Variants in MAP6 observed in about 807,000 individuals in gnomAD.
The protein encoded by MAP6 is microtubule associated protein 6.
Under a neutral mutation model 42.4 loss-of-function variants are expected in MAP6, and 26 were observed. That is an observed-to-expected ratio of 0.61 (90% CI 0.45 to 0.85). The LOEUF (loss-of-function observed/expected upper bound fraction) is 0.85, where lower values mean the gene tolerates loss of function less well. Ranked by LOEUF, MAP6 falls within the 40% of genes least tolerant of loss-of-function variation. MAP6 has a pLI of 0.00. For synonymous variants in MAP6, 418 were observed against 443.8 expected, an observed-to-expected ratio of 0.94 and a Z score of 0.73; for missense variants, 966 against 1,099.0, an observed-to-expected ratio of 0.88 and a Z score of 1.71.
At chr11:75,600,226 C>T (rs1359779670) in intron 3 of MAP6, among the ~76,000 whole-genome samples, 2 of 152,134 alleles carry the variant, frequency 1.3e-5, no homozygotes, top group African/African-American at 2.4e-5. Flanking sequence ...CATTCTGCTC[C>T]TCTGAGGGGG....
At chr11:75,605,429 G>A (rs1942742710) in intron 3 of MAP6, 1 of 1,006,822 alleles carries the variant, frequency 9.9e-7, no homozygotes, top group Non-Finnish European at 1.2e-6. Context: ...ATCGACCAGT[G>A]ACACAGATCT....
chr11:75,621,693 A>G (rs1171219522), intron 1 of MAP6, among the ~76,000 whole-genome samples: 2 of 48 alleles, frequency 0.042, no homozygotes, highest in African/African-American at 0.11. Flanking sequence ...CAGATTAGAA[A>G]AGAAGACACA....
rs1312628845 is a variant in MAP6, at chr11:75,667,561, G to GCCTGGA, written c.803_808dup (p.Val268_Gln269dup). On this transcript the variant is annotated inframe_insertion, in exon 1 of 4. Transcript: ENST00000304771. This position sits in a 1 kb window ranked among gnomAD's most constrained non-coding sequence, Gnocchi z 5.6. ...CCCCCTGCCAGCCTCGGGGCCGGTG[G>GCCTGGA]CCTGGACCTGGGCCTGGGCCGCGGG... is the stretch of plus-strand genomic sequence containing the variant. The GCCTGGA allele has an allele frequency of 2.0e-6, 3 of 1,476,258 alleles. No homozygotes were observed. The highest frequency in any genetic ancestry group is 1.3e-5 in the South Asian group (1 of 77,592). The allele number at this position is 1,476,258 out of a possible 1,614,324, so 91.4% of individuals were successfully genotyped here.
chr11:75,628,755 G>C (rs1391166071), intron 1 of MAP6, among the ~76,000 whole-genome samples: 1 of 152,124 alleles, frequency 6.6e-6, no homozygotes, highest in African/African-American at 2.4e-5. Flanking sequence ...AAAGGGGAGG[G>C]GAAGAACTTG....
At chr11:75,590,979 A>G (rs1345862255) in intron 3 of MAP6, among the ~76,000 whole-genome samples, 1 of 152,154 alleles carries the variant, frequency 6.6e-6, no homozygotes, top group Admixed American at 6.5e-5. Context: ...GGAAAAAAAA[A>G]AAGAAAAAAG....
chr11:75,649,530 G>T (rs1943614307), intron 1 of MAP6, among the ~76,000 whole-genome samples: 1 of 151,946 alleles, frequency 6.6e-6, no homozygotes, highest in Admixed American at 6.6e-5. Flanking sequence ...AAGAAAATAT[G>T]ATTTATTTAT....
chr11:75,622,434 G>A (rs1436660463), intron 1 of MAP6, among the ~76,000 whole-genome samples: 2 of 151,170 alleles, frequency 1.3e-5, no homozygotes, highest in Non-Finnish European at 2.9e-5. Flanking sequence ...AAAAAGAAGT[G>A]CAATGGCTGT....
chr11:75,604,454 G>T, intron 3 of MAP6: 4 of 985,434 alleles, frequency 4.1e-6, no homozygotes, highest in Non-Finnish European at 4.8e-6. Context: ...GCTTGACACC[G>T]GACGGCAGCC....
intron 1 of MAP6, among the ~76,000 whole-genome samples, chr11:75,623,281 CTG>C (rs1245600863): frequency 6.6e-6 from 1 of 152,182 alleles, no homozygotes; most frequent in Non-Finnish European, 1.5e-5. Flanking sequence ...AAAAGGCAAA[CTG>C]TAGAAACAGA....
chr11:75,596,950 T>C (rs1322833333), intron 3 of MAP6, among the ~76,000 whole-genome samples: 2 of 152,222 alleles, frequency 1.3e-5, no homozygotes, highest in Non-Finnish European at 2.9e-5. Context: ...ATCCTACAGA[T>C]AGTCCCAAGT....
At chr11:75,607,601 G>C in intron 2 of MAP6, 1 of 985,416 alleles carries the variant, frequency 1.0e-6, no homozygotes, top group Non-Finnish European at 1.2e-6. Flanking sequence ...AGAAGTCATA[G>C]TGGATGGTGT....
intron 1 of MAP6, among the ~76,000 whole-genome samples, chr11:75,656,140 C>A (rs1327035911): frequency 6.6e-6 from 1 of 152,154 alleles, no homozygotes; most frequent in Non-Finnish European, 1.5e-5. Flanking sequence ...AGGAGGCTTG[C>A]AAAAATGCAC....
At chr11:75,658,402 C>A (rs542329978) in intron 1 of MAP6, among the ~76,000 whole-genome samples, 13 of 105,930 alleles carry the variant, frequency 1.2e-4, no homozygotes, top group Non-Finnish European at 2.5e-4. Flanking sequence ...CTCCACCCCC[C>A]CCGCCCCAGA....
At chr11:75,652,836 GAAA>G (rs560714756) in intron 1 of MAP6, among the ~76,000 whole-genome samples, 2 of 101,344 alleles carry the variant, frequency 2.0e-5, no homozygotes, top group Non-Finnish European at 4.2e-5. Flanking sequence ...CTCCATCTCA[GAAA>G]AAAAAAAAAA....
chr11:75,593,816 A>G (rs1213260078), intron 3 of MAP6, among the ~76,000 whole-genome samples: 2 of 152,232 alleles, frequency 1.3e-5, no homozygotes, highest in African/African-American at 4.8e-5. Context: ...CTCATGATGT[A>G]AAAAGCAACC....
chr11:75,613,432 A>G (rs1942940354), intron 1 of MAP6, among the ~76,000 whole-genome samples: 1 of 152,092 alleles, frequency 6.6e-6, no homozygotes, highest in African/African-American at 2.4e-5. Context: ...GCCTGGGTGT[A>G]CACCACAGTG....
intron 3 of MAP6, among the ~76,000 whole-genome samples, chr11:75,589,530 T>C (rs1203060445): frequency 6.6e-6 from 1 of 152,206 alleles, no homozygotes; most frequent in Non-Finnish European, 1.5e-5. Flanking sequence ...AAGGATTTTC[T>C]TACCCTTACT....
intron 1 of MAP6, among the ~76,000 whole-genome samples, chr11:75,656,694 T>G (rs61895143): frequency 0.054 from 8,250 of 152,304 alleles, 291 homozygotes; most frequent in East Asian, 0.14. Flanking sequence ...ATGGGTTTGA[T>G]TCTCACCAAC....
chr11:75,632,963 C>T (rs1367775525), intron 1 of MAP6, among the ~76,000 whole-genome samples: 1 of 151,858 alleles, frequency 6.6e-6, no homozygotes, highest in African/African-American at 2.4e-5. Context: ...ATTTCCTGGT[C>T]CAGTTTTGTT....
Sources: gnomAD v4.1 joint callset for allele counts (sites outside exome capture counted in the v4.1 genomes callset) on GRCh38, gnomAD v4.1.1 for gene constraint, Gnocchi (gnomAD v3.1) non-coding constraint, MANE v1.5 for transcripts, NCBI Gene and HGNC (gene_info 2026-07-23, HGNC 2026-07-21) for gene names.